The following WDR64 variants were observed in gnomAD, a reference collection of about 807,000 sequenced individuals.
The protein encoded by WDR64 is WD repeat-containing protein 64.
A neutral mutation model predicts 139.3 loss-of-function variants in WDR64; 112 were observed. That is an observed-to-expected ratio of 0.80 (90% CI 0.69 to 0.94). The LOEUF (loss-of-function observed/expected upper bound fraction) is 0.94. WDR64 is among the 40% of genes least tolerant of loss of function. The pLI, the probability that WDR64 is intolerant of heterozygous loss-of-function variation, is 0.00. For missense variants in WDR64, 1,206 were observed against 1,293.1 expected, an observed-to-expected ratio of 0.93 and a Z score of 1.03; for synonymous variants, 444 against 437.7, an observed-to-expected ratio of 1.01 and a Z score of -0.18.
chr1:241,796,091 AAT>A (rs1231223342), intron 26 of WDR64, among the ~76,000 whole-genome samples, 164 bp from the exon 27 acceptor site: 1 of 152,152 alleles, frequency 6.6e-6, no homozygotes, highest in African/African-American at 2.4e-5. Context: ...CTATTTTAAA[AAT>A]AAAAAATAAA....
intron 4 of WDR64, chr1:241,676,373 G>C (rs1383998154): frequency 6.6e-6 from 1 of 152,110 alleles, no homozygotes; most frequent in Non-Finnish European, 1.5e-5. Flanking sequence ...GCAAATATTG[G>C]CCATTGCTAT....
rs112986968 is a variant in WDR64 at position 241,733,801 on chromosome 1, T to C, written c.1195-4562T>C. Among the ~76,000 whole-genome samples, 153 of 152,206 alleles carry C rather than the reference T, an allele frequency of 1.0e-3. 3 individuals carry two copies. Among genetic ancestry groups the C allele is most frequent in the East Asian group, 6.8e-3 (35 of 5,168 alleles). ...CGTAAAGCCACTCAGTCTCCTTTTA[T>C]ACCAACTTAGTCTGCTTCTGCCATG... On this transcript the variant is annotated intron_variant, in intron 10 of 27. Transcript: ENST00000437684.
chr1:241,762,774 CAA>C lies in WDR64; in HGVS notation c.1948-3432_1948-3431del, dbSNP rs71691250. On this transcript the variant is annotated intron_variant, in intron 15 of 27. Transcript: ENST00000437684. ...TATTATTAACCATAAAGCTTCCTTG[CAA>C]AAAAAAAAAAATAGAATAATAATAT... Among the ~76,000 whole-genome samples the C allele has an allele frequency of 7.4e-3, 983 of 133,182 alleles. 9 individuals carry two copies. Among genetic ancestry groups the C allele is most frequent in the African/African-American group, 0.023 (849 of 37,430 alleles). 87.4% of individuals were successfully genotyped at this position (133,182 alleles called of 152,430 possible). A position where few individuals can be genotyped will look rare whatever the true frequency, so the allele number is the denominator to read the frequency against.
chr1:241,771,949 T>TATATATATATATATATATATATATATAC (rs1658465436), intron 19 of WDR64, among the ~76,000 whole-genome samples: 1 of 39,566 alleles, frequency 2.5e-5, no homozygotes, highest in East Asian at 4.4e-4. Context: ...TACATACATA[T>TATATATATATATATATATATATATATAC]ATATATATAT....
intron 5 of WDR64, among the ~76,000 whole-genome samples, chr1:241,678,859 T>TAA (rs1666662876): frequency 1.6e-4 from 2 of 12,866 alleles, no homozygotes; most frequent in African/African-American, 3.2e-4. Flanking sequence ...TTTCTTAAAC[T>TAA]GAAAAAAAAA....
rs1558456775 is a variant in WDR64 at position 241,656,904 on chromosome 1, G to GTGTC, written c.146-3623_146-3622insCTGT. 1.3e-5 allele frequency among the ~76,000 whole-genome samples: 2 copies of GTGTC among 149,476 alleles called. No homozygotes were observed. Among genetic ancestry groups the GTGTC allele is most frequent in the Non-Finnish European group, 2.9e-5 (2 of 67,850 alleles). On this transcript the variant is annotated intron_variant, in intron 1 of 27. Coordinates refer to ENST00000437684, the MANE Select transcript of WDR64 (RefSeq NM_001367482.1). The surrounding 1 kb of genome is among the most constrained non-coding windows in gnomAD (Gnocchi z 4.3). ...TGTGTGTGTGTGTGTGTGTGTGTGT[G>GTGTC]TGTGTGTCTGTCTGGGGATGGAGGT...
intron 2 of WDR64, 89 bp downstream of exon 2, chr1:241,660,749 AG>A (rs1665801015): frequency 7.0e-7 from 1 of 1,436,566 alleles, no homozygotes; most frequent in African/African-American, 1.4e-5. Flanking sequence ...TTACTGCCAC[AG>A]GGGTTGAACC....
At position 241,762,222 on chromosome 1, in the gene WDR64, G is replaced by T. The variant is rs183247841; in HGVS notation, c.1948-3996G>T. Among the ~76,000 whole-genome samples the T allele has an allele frequency of 3.7e-3, 563 of 152,248 alleles. 3 individuals are homozygous for T. The highest frequency in any genetic ancestry group is 0.013 in the African/African-American group (537 of 41,544). ...TGCAGAAGGAATACTGTATTCACCG[G>T]CATGAAAACAACATTCACGTTGTAC... On this transcript the variant is annotated intron_variant, in intron 15 of 27. Transcript: ENST00000437684.
Position 241,659,119 on chromosome 1 carries a change from C to T in WDR64, c.146-1411C>T, listed in dbSNP as rs114343277. Among the ~76,000 whole-genome samples, 1,310 of 152,220 alleles carry T rather than the reference C, an allele frequency of 8.6e-3. 13 individuals carry two copies. The highest frequency in any genetic ancestry group is 0.017 in the Middle Eastern group (5 of 294). ...TTTAGCCACCATGTGTCCTTGTGTT[C>T]TCATCATTCAGCTCCTACATACAAG... is the stretch of plus-strand genomic sequence containing the variant. On this transcript the variant is annotated intron_variant, in intron 1 of 27. Transcript: ENST00000437684.
intron 13 of WDR64, among the ~76,000 whole-genome samples, chr1:241,745,002 C>T (rs1669698261): frequency 6.6e-6 from 1 of 152,200 alleles, no homozygotes; most frequent in Non-Finnish European, 1.5e-5. Flanking sequence ...GGGCATGTTC[C>T]ATGCCAAACT....
chr1:241,784,857 G>A (rs1014647315), intron 23 of WDR64, among the ~76,000 whole-genome samples: 182 of 109,208 alleles, frequency 1.7e-3, no homozygotes, highest in African/African-American at 4.7e-3. Context: ...GGGAGGCTGA[G>A]GCAAAAGAAT....
At chr1:241,751,580 G>C (rs1386294056) in intron 14 of WDR64, among the ~76,000 whole-genome samples, 1 of 152,220 alleles carries the variant, frequency 6.6e-6, no homozygotes, top group Non-Finnish European at 1.5e-5. Flanking sequence ...TATGAGCTGA[G>C]AAGGGTCTCC....
At position 241,790,612 on chromosome 1, in the gene WDR64, G is replaced by A; in HGVS notation, c.2913G>A (p.Val971=). 1 of 1,609,884 alleles carries A rather than the reference G, an allele frequency of 6.2e-7. No individual in the cohort carries two copies. Among genetic ancestry groups the A allele is most frequent in the Non-Finnish European group, 8.5e-7 (1 of 1,179,174 alleles). ...GCAGATGGAGAAAAATGAGCTCAGT[G>A]TCTCTACTTTTCAAACGCACACCTC... ...DREKWRKMSS[V]SLLFKRTPPK... is the part of the protein sequence containing the mutation. The change falls in exon 25 of 28, where the codon GTG becomes GTA. Residue 971 remains valine, a synonymous_variant. Transcript: ENST00000437684.
At chr1:241,705,559 A>T (rs960923408) in intron 8 of WDR64, among the ~76,000 whole-genome samples, 4 of 136,658 alleles carry the variant, frequency 2.9e-5, no homozygotes, top group Admixed American at 2.2e-4. Flanking sequence ...ATAAATAAAT[A>T]AATAATAATA....
rs1057342390 is a variant in WDR64, at chr1:241,723,511, C to T, written c.1194+75C>T. The T allele has an allele frequency of 1.2e-5, 17 of 1,452,650 alleles. 1 individual carries two copies. The Admixed American group carries it at 3.9e-4, about 34-fold the overall frequency. 90.0% of individuals were successfully genotyped at this position (1,452,650 alleles called of 1,614,324 possible). A position where few individuals can be genotyped will look rare whatever the true frequency, so the allele number is the denominator to read the frequency against. On this transcript the variant is annotated intron_variant, in intron 10 of 27. Coordinates refer to ENST00000437684, the MANE Select transcript of WDR64 (RefSeq NM_001367482.1). Reference sequence around the variant, plus strand: ...TCTGTTGGAAGGCATAGGGATGATACAATTTTTGACTGAAATAAATGATAG... The same window carrying T: ...TCTGTTGGAAGGCATAGGGATGATATAATTTTTGACTGAAATAAATGATAG...
At chr1:241,735,531 CTCTTT>C (rs1468611409) in intron 10 of WDR64, among the ~76,000 whole-genome samples, 1 of 96,788 alleles carries the variant, frequency 1.0e-5, no homozygotes, top group Non-Finnish European at 2.1e-5. Flanking sequence ...CTCTCTCTCT[CTCTTT>C]TTTTTTTTTT....
intron 16 of WDR64, among the ~76,000 whole-genome samples, chr1:241,768,491 C>T (rs376965559): frequency 8.9e-4 from 135 of 152,304 alleles, no homozygotes; most frequent in African/African-American, 3.2e-3. Context: ...TGAGCCCAGA[C>T]TTAATATTAT....
chr1:241,763,543 A>G lies in WDR64; in HGVS notation c.1948-2675A>G, dbSNP rs141094263. Among the ~76,000 whole-genome samples, 6 of 152,272 alleles carry G rather than the reference A, an allele frequency of 3.9e-5. No individual in the cohort carries two copies. In the East Asian group the frequency reaches 9.6e-4, roughly 24 times the overall value. On this transcript the variant is annotated intron_variant, in intron 15 of 27. Coordinates refer to ENST00000437684, the MANE Select transcript of WDR64 (RefSeq NM_001367482.1). ...TGGCCAGCGAAACCTCATCCTTAAT[A>G]AAAATACAAAAGTTAGCCAGGTATG...
chr1:241,677,268 A>C (rs1666592955), intron 4 of WDR64: 1 of 398,198 alleles, frequency 2.5e-6, no homozygotes, highest in Non-Finnish European at 4.4e-6. Context: ...GAGAAAGAGA[A>C]ACAGAAACCA....
Sources: gnomAD v4.1 joint callset for allele counts (sites outside exome capture counted in the v4.1 genomes callset) on GRCh38, gnomAD v4.1.1 for gene constraint, Gnocchi (gnomAD v3.1) non-coding constraint, MANE v1.5 for transcripts, NCBI Gene and HGNC (gene_info 2026-07-23, HGNC 2026-07-21) for gene names.